SCLY: variants seen among roughly 807,000 people sequenced by gnomAD.
The protein encoded by SCLY is selenocysteine lyase, also known as putative selenocysteine lyase.
Under a neutral mutation model 50.1 loss-of-function variants are expected in SCLY, and 38 were observed. The ratio of observed to expected loss-of-function variants is 0.76; its 90% CI spans 0.59 to 0.99. SCLY has a LOEUF of 0.99. Ranked by LOEUF, SCLY falls within the 50% of genes least tolerant of loss-of-function variation. The pLI is 0.00. For missense variants in SCLY, 600 were observed against 620.0 expected (o/e 0.97, Z 0.34); for synonymous variants, 243 against 249.4 (o/e 0.97, Z 0.24).
intron 7 of SCLY, among the ~76,000 whole-genome samples, chr2:238,090,139 G>A (rs577320993): frequency 7.2e-5 from 11 of 152,116 alleles, no homozygotes; most frequent in Non-Finnish European, 1.2e-4. Flanking sequence ...TCACCAAAGA[G>A]GAGACCCAGG....
intron 7 of SCLY, among the ~76,000 whole-genome samples, chr2:238,089,167 A>G (rs2065334411): frequency 6.6e-6 from 1 of 152,196 alleles, no homozygotes; most frequent in Non-Finnish European, 1.5e-5. Context: ...TACCATTTAC[A>G]ATGAAACAAA....
intron 4 of SCLY, among the ~76,000 whole-genome samples, chr2:238,071,120 C>T (rs983339215): frequency 1.3e-5 from 2 of 152,152 alleles, no homozygotes; most frequent in African/African-American, 2.4e-5. Flanking sequence ...GTGTGAGCCA[C>T]CTGAGCCCGG....
intron 7 of SCLY, among the ~76,000 whole-genome samples, chr2:238,087,827 C>T (rs1372150319): frequency 6.6e-6 from 1 of 152,146 alleles, no homozygotes; most frequent in African/African-American, 2.4e-5. Context: ...TGGTGGTTCA[C>T]GCGTGTAATC....
Position 238,096,820 on chromosome 2 carries a change from G to A in SCLY, c.1128G>A (p.Gln376=). 1 of 1,611,816 alleles carries A rather than the reference G, an allele frequency of 6.2e-7. No individual in the cohort carries two copies. The highest frequency in any genetic ancestry group is 1.7e-5 in the Admixed American group (1 of 59,824). The part of the protein sequence containing the change: ...PRLQGHVVLA[Q]CRVLMASVGA... ...CCGCAGGCCACGTGGTGCTTGCGCA[G>A]TGCCGAGTGCTGATGGCCAGTGTGG... is the stretch of plus-strand genomic sequence containing the variant. The change falls in exon 11 of 12, where the codon CAG becomes CAA. Residue 376 remains glutamine, a synonymous_variant. Transcript: ENST00000254663.
chr2:238,091,278 G>A (rs144329932), intron 8 of SCLY, 24 bp downstream of exon 8: 581 of 1,605,826 alleles, frequency 3.6e-4, no homozygotes, highest in Middle Eastern at 9.9e-4. Flanking sequence ...AGCTTGAGGA[G>A]ATGAGTTGAT....
Position 238,098,273 on chromosome 2 carries a change from G to C in SCLY, c.1256G>C (p.Gly419Ala). The C allele has an allele frequency of 6.2e-7, 1 of 1,610,418 alleles. No homozygotes were observed. The highest frequency in any genetic ancestry group is 8.5e-7 in the Non-Finnish European group (1 of 1,179,684). The change falls in exon 12 of 12, where the codon GGC becomes GCC. Residue 419 changes from glycine to alanine, a missense_variant. Gly to Ala is a moderately conservative substitution (Grantham distance 60). Transcript: ENST00000254663. Reference protein sequence around the residue: ...VARNALRLSVGRSTTRAEVDL... With the variant: ...VARNALRLSVARSTTRAEVDL... ...AGGAACGCGCTCCGGCTCAGCGTGG[G>C]CCGCAGCACCACCAGGGCCGAGGTG... is the stretch of plus-strand genomic sequence containing the variant.
rs1318128238 is a variant in SCLY at position 238,098,360 on chromosome 2, G to T, written c.*5G>T. 2 of 1,584,874 alleles carry T rather than the reference G, an allele frequency of 1.3e-6. No homozygotes were observed. The highest frequency in any genetic ancestry group is 1.7e-5 in the Admixed American group (1 of 59,032). ...CAGCTGGAGGACCAGGCCTAGCACT[G>T]GGGCCGCCTTCCCCACCCCGCTTCT... On this transcript the variant is annotated 3_prime_UTR_variant, in exon 12 of 12. Coordinates refer to ENST00000254663, the MANE Select transcript of SCLY (RefSeq NM_016510.7).
intron 4 of SCLY, chr2:238,079,129 T>C (rs1335882922): frequency 6.7e-6 from 1 of 149,000 alleles, no homozygotes; most frequent in East Asian, 2.0e-4. Flanking sequence ...GGCTGGAGTT[T>C]GGTGTCACAA....
intron 7 of SCLY, among the ~76,000 whole-genome samples, chr2:238,084,334 T>C (rs2065266990): frequency 6.6e-6 from 1 of 152,194 alleles, no homozygotes; most frequent in South Asian, 2.1e-4. Context: ...CTCATGCCTG[T>C]AATCCCAGCA....
At position 238,098,605 on chromosome 2, in the gene SCLY, A is replaced by ACCGCCCACATG. The variant is rs1553568600; in HGVS notation, c.*250_*251insCCGCCCACATG. ...ACCGCCCACATAGGACCGCCCACATAGGACCGCCCACATGGGACCGCCCAC... is the reference window on the plus strand; with the variant it reads ...ACCGCCCACATAGGACCGCCCACATACCGCCCACATGGGACCGCCCACATGGGACCGCCCAC... On this transcript the variant is annotated 3_prime_UTR_variant, in exon 12 of 12. Coordinates refer to ENST00000254663, the MANE Select transcript of SCLY (RefSeq NM_016510.7). 2,592 of 311,016 alleles carry ACCGCCCACATG rather than the reference A, an allele frequency of 8.3e-3. 125 individuals are homozygous for ACCGCCCACATG. Among genetic ancestry groups the ACCGCCCACATG allele is most frequent in the Non-Finnish European group, 0.01 (1,943 of 189,048 alleles). The allele number at this position is 311,016 out of a possible 1,614,324, so 19.3% of individuals were successfully genotyped here. A position where few individuals can be genotyped will look rare whatever the true frequency, so the allele number is the denominator to read the frequency against.
Position 238,069,315 on chromosome 2 carries a change from C to T in SCLY, c.322C>T (p.His108Tyr), listed in dbSNP as rs1276098811. 5 of 1,612,844 alleles carry T rather than the reference C, an allele frequency of 3.1e-6. No individual in the cohort carries two copies. The highest frequency in any genetic ancestry group is 4.2e-6 in the Non-Finnish European group (5 of 1,179,598). The change falls in exon 4 of 12, where the codon CAT (histidine) becomes TAT (tyrosine). Residue 108 changes from histidine (H) to tyrosine (Y), a missense_variant. By Grantham distance (83) the His-to-Tyr change is moderately conservative. Coordinates refer to ENST00000254663, the MANE Select transcript of SCLY (RefSeq NM_016510.7). This position sits in a 1 kb window ranked among gnomAD's most constrained non-coding sequence, Gnocchi z 5.0. ...GGTESNNLVIHSVVKHFHANQ... is the reference protein window; with the variant it reads ...GGTESNNLVIYSVVKHFHANQ... The stretch of plus-strand genomic sequence containing the variant: ...TCTGCAGTCAAATAATTTAGTAATC[C>T]ATTCTGTGGTGAAACATTTCCACGC...
chr2:238,096,562 C>T (rs1306024834), intron 10 of SCLY, among the ~76,000 whole-genome samples: 1 of 152,270 alleles, frequency 6.6e-6, no homozygotes, highest in African/African-American at 2.4e-5. Flanking sequence ...ATGCGATTTT[C>T]AAGGCCAGCT....
intron 4 of SCLY, among the ~76,000 whole-genome samples, chr2:238,077,237 T>A (rs1329327379): frequency 1.3e-5 from 2 of 152,262 alleles, no homozygotes; most frequent in Admixed American, 6.5e-5. Context: ...TTTATCATTA[T>A]AAAATGTCCA....
At position 238,091,468 on chromosome 2, in the gene SCLY, A is replaced by G. The variant is rs949280092; in HGVS notation, c.921+214A>G. The stretch of plus-strand genomic sequence containing the variant: ...CACTTGTTTAGCATTTAAAAGGGAA[A>G]AACTCCTTGTCTGTGTCTCTTCTGA... On this transcript the variant is annotated intron_variant, in intron 8 of 11. Transcript: ENST00000254663. The G allele has an allele frequency of 6.8e-6, 4 of 584,628 alleles. No individual in the cohort carries two copies. In the African/African-American group the frequency reaches 7.5e-5, roughly 11 times the overall value. The allele number at this position is 584,628 out of a possible 1,614,324, so 36.2% of individuals were successfully genotyped here.
intron 3 of SCLY, among the ~76,000 whole-genome samples, chr2:238,068,732 C>A (rs1008618098): frequency 3.9e-5 from 6 of 152,160 alleles, no homozygotes; most frequent in African/African-American, 1.4e-4. Flanking sequence ...GGAATCAGTC[C>A]TTTTCATCCC....
chr2:238,072,296 A>G (rs1243806047), intron 4 of SCLY, among the ~76,000 whole-genome samples: 1 of 152,216 alleles, frequency 6.6e-6, no homozygotes, highest in Non-Finnish European at 1.5e-5. Context: ...GTTGATAGAC[A>G]TTTAGGTTGT....
chr2:238,070,750 A>G (rs2065119842), intron 4 of SCLY, among the ~76,000 whole-genome samples: 1 of 152,186 alleles, frequency 6.6e-6, no homozygotes, highest in African/African-American at 2.4e-5. Flanking sequence ...TATTCACATG[A>G]AGGATTTAGA....
intron 4 of SCLY, 56 bp from the exon 5 acceptor site, chr2:238,081,653 G>A (rs1325454519): frequency 3.1e-5 from 49 of 1,581,408 alleles, no homozygotes; most frequent in Non-Finnish European, 3.8e-5. Context: ...TTGGAACGCA[G>A]TTTTGAGAGG....
chr2:238,097,376 CCG>C (rs879317432), intron 11 of SCLY, among the ~76,000 whole-genome samples: 34,605 of 130,588 alleles, frequency 0.26, 4,135 homozygotes, highest in African/African-American at 0.38. Flanking sequence ...CGTGGGGTGC[CCG>C]AGCAGCGGCC....
Sources: allele counts gnomAD v4.1 joint callset (sites outside exome capture counted in the v4.1 genomes callset), GRCh38; gene constraint gnomAD v4.1.1; non-coding constraint Gnocchi (gnomAD v3.1); transcripts MANE v1.5; gene names NCBI Gene and HGNC (gene_info 2026-07-23, HGNC 2026-07-21).